Variants in WDPCP observed in about 807,000 individuals in gnomAD.
WDPCP encodes the protein WD repeat-containing and planar cell polarity effector protein fritz homolog.
Under a neutral mutation model 93.1 loss-of-function variants are expected in WDPCP, and 71 were observed. That is an observed-to-expected ratio of 0.76 (90% CI 0.63 to 0.93). The LOEUF (loss-of-function observed/expected upper bound fraction) is 0.93. Among genes scored for constraint, WDPCP ranks in the 40% least tolerant of loss-of-function variants. WDPCP has a pLI of 0.00. For synonymous variants in WDPCP, 315 were observed against 315.0 expected (o/e 1.00, Z 0.00); for missense variants, 844 against 887.4 (o/e 0.95, Z 0.62).
intron 2 of WDPCP, among the ~76,000 whole-genome samples, chr2:63,698,346 T>C (rs1450309215): frequency 6.6e-6 from 1 of 152,188 alleles, no homozygotes. Context: ...TCACATCCTA[T>C]GGAAAGCTTT....
chr2:63,244,552 A>C lies in WDPCP; in HGVS notation c.1915+14755T>G, dbSNP rs368332654. ...ACATGACATTACAACTGATCCCATA[A>C]AAATATAAAAGATCCTTACAGATTA... On this transcript the variant is annotated intron_variant, in intron 14 of 17. Transcript: ENST00000272321. Among the ~76,000 whole-genome samples the C allele has an allele frequency of 9.9e-5, 15 of 152,258 alleles. No homozygotes were observed. The East Asian group carries it at 2.3e-3, about 24-fold the overall frequency.
intron 2 of WDPCP, among the ~76,000 whole-genome samples, chr2:63,763,669 G>A (rs1239172388): frequency 6.6e-6 from 1 of 152,060 alleles, no homozygotes; most frequent in African/African-American, 2.4e-5. Flanking sequence ...GCACAAAAAA[G>A]TGTTTTGATT....
At chr2:63,709,411 A>G (rs923974330) in intron 2 of WDPCP, among the ~76,000 whole-genome samples, 1 of 152,070 alleles carries the variant, frequency 6.6e-6, no homozygotes, top group African/African-American at 2.4e-5. Flanking sequence ...CATATTTGAC[A>G]TTTTATTTGG....
In WDPCP at chr2:63,566,042, A is replaced by C. The variant is rs79623583; in HGVS notation, c.75+22155T>G. On this transcript the variant is annotated intron_variant, in intron 1 of 17. Coordinates refer to ENST00000272321, the MANE Select transcript of WDPCP (RefSeq NM_015910.7). Reference sequence around the variant, plus strand: ...GCTACAGACAGATCCTTTAAGATATAAAATGGATCCTTCTCTTCTCCAACC... The same window carrying C: ...GCTACAGACAGATCCTTTAAGATATCAAATGGATCCTTCTCTTCTCCAACC... 4.9e-3 allele frequency among the ~76,000 whole-genome samples: 752 copies of C among 152,358 alleles called. 3 individuals are homozygous for C. Among genetic ancestry groups the C allele is most frequent in the Non-Finnish European group, 8.9e-3 (608 of 68,024 alleles).
chr2:63,536,685 C>T (rs566740166), intron 1 of WDPCP, among the ~76,000 whole-genome samples: 33 of 147,916 alleles, frequency 2.2e-4, no homozygotes, highest in Admixed American at 5.5e-4. Context: ...GAACATAAGA[C>T]GGATTAATGG....
intron 1 of WDPCP, among the ~76,000 whole-genome samples, chr2:63,510,149 T>C (rs563110275): frequency 6.6e-6 from 1 of 152,214 alleles, no homozygotes; most frequent in South Asian, 2.1e-4. Context: ...TTCAGGCCAA[T>C]ATCTCTGATG....
intron 1 of WDPCP, among the ~76,000 whole-genome samples, chr2:63,517,051 T>G (rs1325111190): frequency 6.6e-6 from 1 of 152,178 alleles, no homozygotes; most frequent in Non-Finnish European, 1.5e-5. Context: ...CTCTTTTCCC[T>G]TCTTGGCTCG....
At chr2:63,813,521 A>G (rs900900316) in intron 2 of WDPCP, 1 of 152,214 alleles carries the variant, frequency 6.6e-6, no homozygotes, top group African/African-American at 2.4e-5. Flanking sequence ...GGTGATCCAC[A>G]AACAGGACAT....
chr2:63,439,931 A>G (rs1697395631), intron 6 of WDPCP, 60 bp from the exon 7 acceptor site: 2 of 1,285,232 alleles, frequency 1.6e-6, no homozygotes, highest in African/African-American at 1.5e-5. Context: ...AGAATCTTTA[A>G]AAAACCTCTC....
rs988531078 is a variant in WDPCP at position 63,711,792 on chromosome 2, A to T, written n.309-60954T>A. ...GAACCGACAAACAAACAAAACAGAA[A>T]TAGCTTCTAATGGATTAGGTAAACC... On this transcript the variant is annotated intron_variant and non_coding_transcript_variant, in intron 2 of 4. Coordinates refer to the WDPCP transcript ENST00000467687. Among the ~76,000 whole-genome samples, 8 of 152,144 alleles carry T rather than the reference A, an allele frequency of 5.3e-5. No individual in the cohort carries two copies. The East Asian group carries it at 9.6e-4, about 18-fold the overall frequency.
At chr2:63,560,758 C>T (rs1332315085) in intron 1 of WDPCP, among the ~76,000 whole-genome samples, 1 of 152,158 alleles carries the variant, frequency 6.6e-6, no homozygotes, top group East Asian at 1.9e-4. Context: ...TGCATGTTCT[C>T]ACTCATAGGT....
chr2:63,574,788 G>C (rs1188113202), intron 1 of WDPCP, among the ~76,000 whole-genome samples: 1 of 152,170 alleles, frequency 6.6e-6, no homozygotes, highest in African/African-American at 2.4e-5. Flanking sequence ...CAACTCAGTA[G>C]AGAGAAAAGT....
intron 2 of WDPCP, among the ~76,000 whole-genome samples, chr2:63,487,740 G>A (rs1016714958): frequency 9.9e-5 from 15 of 152,044 alleles, no homozygotes; most frequent in African/African-American, 3.6e-4. Context: ...ATGAGAAAAA[G>A]ATTAGTAAAG....
intron 13 of WDPCP, among the ~76,000 whole-genome samples, chr2:63,299,022 T>A (rs2103709300): frequency 6.6e-6 from 1 of 152,340 alleles, no homozygotes; most frequent in South Asian, 2.1e-4. Context: ...GTCTACCTGT[T>A]GATTTCCAGG....
chr2:63,335,168 G>A (rs1225956565), intron 12 of WDPCP, among the ~76,000 whole-genome samples: 1 of 152,056 alleles, frequency 6.6e-6, no homozygotes, highest in Non-Finnish European at 1.5e-5. Flanking sequence ...GCAACCCCTT[G>A]CCTCTTATCT....
At chr2:63,760,070 G>C (rs572458881) in intron 2 of WDPCP, among the ~76,000 whole-genome samples, 18 of 152,316 alleles carry the variant, frequency 1.2e-4, no homozygotes, top group Admixed American at 9.8e-4. Context: ...AAGGTGGTGG[G>C]AGGCAGGACT....
chr2:63,567,773 A>C (rs74384887), intron 1 of WDPCP, among the ~76,000 whole-genome samples: 1,822 of 151,756 alleles, frequency 0.012, 14 homozygotes, highest in Non-Finnish European at 0.019. Flanking sequence ...TCTCTGTTAG[A>C]CTCTGATGTT....
intron 2 of WDPCP, among the ~76,000 whole-genome samples, chr2:63,789,096 A>T (rs1670508576): frequency 6.6e-6 from 1 of 152,182 alleles, no homozygotes; most frequent in Non-Finnish European, 1.5e-5. Context: ...AAATTCACAT[A>T]ATTATTGTTA....
chr2:63,436,360 G>A (rs1390497555), intron 8 of WDPCP, among the ~76,000 whole-genome samples: 1 of 152,024 alleles, frequency 6.6e-6, no homozygotes, highest in Non-Finnish European at 1.5e-5. Flanking sequence ...TCACCACAAT[G>A]AAAAACTCAT....
Sources: gnomAD v4.1 joint callset for allele counts (sites outside exome capture counted in the v4.1 genomes callset) on GRCh38, gnomAD v4.1.1 for gene constraint, MANE v1.5 for transcripts, NCBI Gene and HGNC (gene_info 2026-07-23, HGNC 2026-07-21) for gene names.